The following DOCK8 variants were observed in gnomAD, a reference collection of about 807,000 sequenced individuals.
DOCK8 encodes dedicator of cytokinesis protein 8.
DOCK8 carries 141 observed loss-of-function variants against 245.6 expected under a neutral mutation model. The ratio of observed to expected loss-of-function variants is 0.57; its 90% CI spans 0.50 to 0.66. DOCK8 has a LOEUF of 0.66. Among genes scored for constraint, DOCK8 ranks in the 30% least tolerant of loss-of-function variants. The pLI is 0.00. For missense variants in DOCK8, 2,965 were observed against 2,603.4 expected (o/e 1.14, Z -3.02); for synonymous variants, 1,168 against 970.2 (o/e 1.20, Z -3.79).
intron 30 of DOCK8, 46 bp from the exon 31 acceptor site, chr9:420,355 C>T (rs1421067072): frequency 1.2e-6 from 2 of 1,610,880 alleles, no homozygotes; most frequent in Admixed American, 1.7e-5. Flanking sequence ...TTTTCTGTTG[C>T]TTGACTTCTT....
intron 26 of DOCK8, among the ~76,000 whole-genome samples, chr9:401,096 A>ACCACC (rs1344564311): frequency 1.3e-5 from 2 of 149,302 alleles, no homozygotes; most frequent in African/African-American, 5.0e-5. Context: ...CTCCACCACC[A>ACCACC]TCACCACCTC....
intron 28 of DOCK8, 67 bp from the exon 29 acceptor site, chr9:414,715 C>T (rs2055903896): frequency 6.2e-7 from 1 of 1,600,832 alleles, no homozygotes; most frequent in African/African-American, 1.3e-5. Context: ...TCACTCTTGA[C>T]TGTTTAAGAG....
intron 11 of DOCK8, among the ~76,000 whole-genome samples, chr9:335,900 T>G (rs1213953476): frequency 6.6e-6 from 1 of 152,204 alleles, no homozygotes; most frequent in African/African-American, 2.4e-5. Context: ...GCTCTAGTTC[T>G]AAGCAATTTG....
At chr9:393,044 C>A (rs1383134048) in intron 24 of DOCK8, among the ~76,000 whole-genome samples, 1 of 135,842 alleles carries the variant, frequency 7.4e-6, no homozygotes, top group African/African-American at 2.9e-5. Flanking sequence ...CTTGATCATG[C>A]CATTGCACTC....
rs759235664 is a variant in DOCK8 at position 399,266 on chromosome 9, G to GCCCCC, written c.3234+7_3234+8insCCCCC. On this transcript the variant is annotated splice_region_variant and intron_variant, in intron 26 of 47. Transcript: ENST00000432829. ...CAGACATTATTGCAGCCAGGTGAGT[G>GCCCCC]TCCCCCCCACCCCCACCCCCGAGCG... The GCCCCC allele has an allele frequency of 1.3e-6, 2 of 1,593,746 alleles. No homozygotes were observed. Among genetic ancestry groups the GCCCCC allele is most frequent in the African/African-American group, 2.9e-5 (2 of 69,798 alleles).
At chr9:384,255 G>A (rs1316956591) in intron 22 of DOCK8, among the ~76,000 whole-genome samples, 2 of 152,174 alleles carry the variant, frequency 1.3e-5, no homozygotes, top group African/African-American at 2.4e-5. Flanking sequence ...TGGAGTATAC[G>A]ATCCAACAGT....
intron 33 of DOCK8, among the ~76,000 whole-genome samples, chr9:425,328 C>T (rs1450209228): frequency 2.6e-5 from 4 of 151,992 alleles, no homozygotes; most frequent in African/African-American, 9.7e-5. Flanking sequence ...GTCAGGAGAT[C>T]GAGACCATCC....
rs2057361878 is a variant in DOCK8, at chr9:449,403, A to T, written c.5818-381A>T. Among the ~76,000 whole-genome samples the T allele has an allele frequency of 1.5e-4, 3 of 20,486 alleles. No homozygotes were observed. The Admixed American group carries it at 3.9e-3, about 27-fold the overall frequency. 13.4% of individuals were successfully genotyped at this position (20,486 alleles called of 152,430 possible). On this transcript the variant is annotated intron_variant, in intron 44 of 47. Transcript: ENST00000432829. ...TTGAGTAACTTGCTCAGTAATAGGA[A>T]AAGGCACCTGACAGGGTAGAAAAAA... is the stretch of plus-strand genomic sequence containing the variant.
chr9:254,400 T>C (rs982064217), intron 1 of DOCK8, among the ~76,000 whole-genome samples: 13 of 152,216 alleles, frequency 8.5e-5, no homozygotes, highest in Non-Finnish European at 8.8e-5. Flanking sequence ...TTCTGAAGCG[T>C]ACCCTATAAT....
upstream of DOCK8, among the ~76,000 whole-genome samples, chr9:211,776 G>A (rs150188823): frequency 7.0e-4 from 106 of 152,146 alleles, 1 homozygote; most frequent in East Asian, 0.019. Context: ...TGACTTACTC[G>A]GGATTACACA....
chr9:446,872 T>C (rs999001973), intron 44 of DOCK8, among the ~76,000 whole-genome samples: 3 of 151,464 alleles, frequency 2.0e-5, no homozygotes, highest in Non-Finnish European at 4.4e-5. Context: ...TTAATTATAA[T>C]ATTTAATATA....
At chr9:368,499 T>C in intron 15 of DOCK8, 1 of 585,202 alleles carries the variant, frequency 1.7e-6, no homozygotes, top group Non-Finnish European at 3.1e-6. Flanking sequence ...GCACAAACTG[T>C]ACACACTGTG....
intron 14 of DOCK8, 36 bp from the exon 15 acceptor site, chr9:367,982 A>T (rs2053092452): frequency 6.5e-7 from 1 of 1,529,788 alleles, no homozygotes; most frequent in Non-Finnish European, 9.1e-7. Context: ...TAAACTCTAG[A>T]CCTTTTTCAT....
At position 336,573 on chromosome 9, in the gene DOCK8, T is replaced by A; in HGVS notation, c.1286-9T>A. On this transcript the variant is annotated splice_polypyrimidine_tract_variant and intron_variant, in intron 11 of 47. Transcript: ENST00000432829. ...GCATACTTTGGAGTGACAATTGTTT[T>A]TCTTAAAGGGAGAAGCTCAGTGGGT... 6.2e-7 allele frequency: 1 copy of A among 1,614,212 alleles called. No individual in the cohort carries two copies. Among genetic ancestry groups the A allele is most frequent in the Non-Finnish European group, 8.5e-7 (1 of 1,180,024 alleles).
intron 26 of DOCK8, among the ~76,000 whole-genome samples, chr9:399,868 C>T (rs1325952161): frequency 6.6e-6 from 1 of 151,904 alleles, no homozygotes; most frequent in Non-Finnish European, 1.5e-5. Flanking sequence ...TGCTGCTCCT[C>T]TCCTTCCATA....
Position 414,800 on chromosome 9 carries a change from GAA to G in DOCK8, c.3551_3552del (p.Lys1184SerfsTer47). The G allele has an allele frequency of 6.2e-7, 1 of 1,614,212 alleles. No homozygotes were observed. The highest frequency in any genetic ancestry group is 8.5e-7 in the Non-Finnish European group (1 of 1,180,026). On this transcript the variant is annotated frameshift_variant, in exon 29 of 48. Transcript: ENST00000432829. LOFTEE classifies it high-confidence loss of function. ...CCAACAGAATCAGCAAAGTACAAAGGAAAGCTGTCAGTGCAATTCACAGCCTG... is the reference window on the plus strand; with the variant it reads ...CCAACAGAATCAGCAAAGTACAAAGGAGCTGTCAGTGCAATTCACAGCCTG... ...EGEGISKVQR[K>X]AVSAIHSLLS...
chr9:381,904 G>A (rs1355948656), intron 21 of DOCK8, among the ~76,000 whole-genome samples: 2 of 151,702 alleles, frequency 1.3e-5, no homozygotes, highest in Non-Finnish European at 2.9e-5. Flanking sequence ...AGGTTGCAGT[G>A]AGCTGAGATC....
chr9:377,227 G>A lies in DOCK8; in HGVS notation c.2440+16G>A, dbSNP rs771139153. On this transcript the variant is annotated intron_variant, in intron 20 of 47. Coordinates refer to ENST00000432829, the MANE Select transcript of DOCK8 (RefSeq NM_203447.4). ...GGCCAGACAGGTATGAACCTGCAGG[G>A]CTGGGCTGGGAGGAGGCAGGAGCAA... is the stretch of plus-strand genomic sequence containing the variant. The A allele has an allele frequency of 5.1e-6, 8 of 1,560,508 alleles. No individual in the cohort carries two copies. In the South Asian group the frequency reaches 9.2e-5, roughly 18 times the overall value.
At chr9:241,574 G>A (rs2047373618) in intron 1 of DOCK8, among the ~76,000 whole-genome samples, 1 of 152,052 alleles carries the variant, frequency 6.6e-6, no homozygotes, top group Non-Finnish European at 1.5e-5. Context: ...TTTTTTAATG[G>A]ATACCATTCC....
Sources: gnomAD v4.1 joint callset for allele counts (sites outside exome capture counted in the v4.1 genomes callset) on GRCh38, gnomAD v4.1.1 for gene constraint, MANE v1.5 for transcripts, NCBI Gene and HGNC (gene_info 2026-07-23, HGNC 2026-07-21) for gene names.